F13A1: variants seen among roughly 807,000 people sequenced by gnomAD.
The protein encoded by F13A1 is FSF, A subunit.
Under a neutral mutation model 80.1 loss-of-function variants are expected in F13A1, and 47 were observed. The observed-to-expected ratio is 0.59, with a 90% confidence interval of 0.46 to 0.75. F13A1 has a LOEUF of 0.75. Among genes scored for constraint, F13A1 ranks in the 30% least tolerant of loss-of-function variants. F13A1 has a pLI of 0.00. For synonymous variants in F13A1, 349 were observed against 344.9 expected (o/e 1.01, Z -0.13); for missense variants, 817 against 930.4 (o/e 0.88, Z 1.59).
intron 12 of F13A1, chr6:6,169,370 C>G (rs1366375840): frequency 6.5e-6 from 1 of 154,138 alleles, no homozygotes; most frequent in Non-Finnish European, 1.5e-5. Flanking sequence ...TGACTTCTTA[C>G]TGCACCAGTG....
intron 3 of F13A1, among the ~76,000 whole-genome samples, chr6:6,303,147 A>G (rs999211646): frequency 2.6e-5 from 4 of 152,208 alleles, no homozygotes; most frequent in African/African-American, 7.2e-5. Flanking sequence ...TGGATTCTCT[A>G]TTATGTCCTA....
intron 10 of F13A1, among the ~76,000 whole-genome samples, chr6:6,192,230 G>A (rs192576935): frequency 6.6e-4 from 101 of 152,332 alleles, no homozygotes; most frequent in East Asian, 1.9e-4. Flanking sequence ...TATTGTAAGG[G>A]TGGTGGAACT....
rs775757965 is a variant in F13A1, at chr6:6,167,549, T to G, written c.1817A>C (p.His606Pro). The G allele has an allele frequency of 1.9e-6, 3 of 1,614,078 alleles. No homozygotes were observed. Among genetic ancestry groups the G allele is most frequent in the Non-Finnish European group, 1.7e-6 (2 of 1,180,014 alleles). ...ATTGATGCGAGCTGTGACAAAGAAG[T>G]GCAGGGACGCTTGTTCCAGCAGCTG... ...MGQLLEQASL[H>P]FFVTARINET... The change falls in exon 13 of 15, where the codon CAC becomes CCC. Residue 606 changes from histidine (H) to proline (P), a missense_variant. Coordinates refer to ENST00000264870, the MANE Select transcript of F13A1 (RefSeq NM_000129.4).
At chr6:6,157,389 CT>C (rs1345862273) in intron 13 of F13A1, among the ~76,000 whole-genome samples, 1 of 152,016 alleles carries the variant, frequency 6.6e-6, no homozygotes, top group Non-Finnish European at 1.5e-5. Context: ...ATCTTCAAAA[CT>C]ACCTATACTG....
chr6:6,216,712 A>G (rs941001347), intron 8 of F13A1, among the ~76,000 whole-genome samples: 2 of 146,114 alleles, frequency 1.4e-5, no homozygotes, highest in African/African-American at 5.3e-5. Flanking sequence ...CTGCACAGCA[A>G]AAGAAACTAC....
intron 8 of F13A1, among the ~76,000 whole-genome samples, chr6:6,213,149 C>A (rs1198003887): frequency 6.6e-6 from 1 of 152,178 alleles, no homozygotes; most frequent in African/African-American, 2.4e-5. Flanking sequence ...GCAAGGCAGG[C>A]CAACGTTCAG....
chr6:6,312,163 A>C (rs574809948), intron 2 of F13A1, among the ~76,000 whole-genome samples: 59 of 151,884 alleles, frequency 3.9e-4, no homozygotes, highest in African/African-American at 1.4e-3. Flanking sequence ...CAATTGTTTT[A>C]AATTATATCA....
chr6:6,269,581 A>G (rs550665689), intron 3 of F13A1, among the ~76,000 whole-genome samples: 69 of 152,190 alleles, frequency 4.5e-4, no homozygotes, highest in Non-Finnish European at 7.5e-4. Flanking sequence ...GAAACCTCCC[A>G]TTCAATCATA....
intron 4 of F13A1, among the ~76,000 whole-genome samples, chr6:6,265,259 CAAT>C (rs1286322162): frequency 6.6e-6 from 1 of 152,170 alleles, no homozygotes; most frequent in Non-Finnish European, 1.5e-5. Context: ...TCAAAATCAG[CAAT>C]AATATGGGCT....
At chr6:6,192,348 AGATGAGTTAG>A (rs1204327645) in intron 10 of F13A1, among the ~76,000 whole-genome samples, 3 of 152,074 alleles carry the variant, frequency 2.0e-5, no homozygotes, top group Non-Finnish European at 4.4e-5. Context: ...GGGATCAGGG[AGATGAGTTAG>A]GAGGAGTTAG....
At chr6:6,170,250 T>C (rs1287612702) in intron 12 of F13A1, among the ~76,000 whole-genome samples, 4 of 152,246 alleles carry the variant, frequency 2.6e-5, no homozygotes, top group African/African-American at 2.4e-5. Flanking sequence ...GTTTGACCAC[T>C]GGATTTCTTT....
rs979588220 is a variant in F13A1, at chr6:6,228,654, A to C, written c.799-3794T>G. On this transcript the variant is annotated intron_variant, in intron 6 of 14. Transcript: ENST00000264870. ...GAGGCTGAGGCAGGAGAATCGCTTG[A>C]ACCGGGGAGGCAGAGGTTGCAGTGA... Among the ~76,000 whole-genome samples the C allele has an allele frequency of 7.3e-5, 11 of 150,950 alleles. No individual in the cohort carries two copies. In the South Asian group the frequency reaches 2.3e-3, roughly 32 times the overall value.
intron 3 of F13A1, among the ~76,000 whole-genome samples, chr6:6,289,401 C>T (rs1255935196): frequency 6.6e-6 from 1 of 152,038 alleles, no homozygotes; most frequent in Non-Finnish European, 1.5e-5. Flanking sequence ...TGTTACTTCA[C>T]TACAGGTGAG....
chr6:6,191,955 A>G (rs1163564663), intron 10 of F13A1, among the ~76,000 whole-genome samples: 3 of 152,346 alleles, frequency 2.0e-5, no homozygotes, highest in African/African-American at 7.2e-5. Context: ...CAGTTGGGTG[A>G]GCGAAGGCCT....
At chr6:6,293,499 C>T (rs1197783166) in intron 3 of F13A1, among the ~76,000 whole-genome samples, 3 of 151,758 alleles carry the variant, frequency 2.0e-5, no homozygotes, top group East Asian at 3.9e-4. Flanking sequence ...CCACACCCAC[C>T]TCCTCAGATT....
intron 4 of F13A1, among the ~76,000 whole-genome samples, chr6:6,257,136 A>G: frequency 6.6e-6 from 1 of 152,202 alleles, no homozygotes; most frequent in East Asian, 1.9e-4. Context: ...GGAAAGATTC[A>G]TGCTGGGAGT....
intron 13 of F13A1, among the ~76,000 whole-genome samples, chr6:6,154,391 C>T (rs1206539677): frequency 2.0e-5 from 3 of 152,176 alleles, no homozygotes; most frequent in African/African-American, 4.8e-5. Context: ...TGATCTAGAT[C>T]AGGGCTTCTC....
chr6:6,147,410 C>T (rs781743396), intron 14 of F13A1, among the ~76,000 whole-genome samples: 1 of 152,144 alleles, frequency 6.6e-6, no homozygotes, highest in Non-Finnish European at 1.5e-5. Flanking sequence ...ATAAGAGTGT[C>T]CTGGAAGTGT....
At chr6:6,176,827 A>G (rs1760889793) in intron 11 of F13A1, among the ~76,000 whole-genome samples, 1 of 152,194 alleles carries the variant, frequency 6.6e-6, no homozygotes, top group Non-Finnish European at 1.5e-5. Context: ...ATCAGAGAGG[A>G]GCTGAGCTGG....
Sources: gnomAD v4.1 joint callset for allele counts (sites outside exome capture counted in the v4.1 genomes callset) on GRCh38, gnomAD v4.1.1 for gene constraint, MANE v1.5 for transcripts, NCBI Gene and HGNC (gene_info 2026-07-23, HGNC 2026-07-21) for gene names.